The following CCDC148 variants were observed in gnomAD, a reference collection of about 807,000 sequenced individuals.
CCDC148 encodes the protein coiled-coil domain-containing protein 148.
In CCDC148, 89 loss-of-function variants were observed where a neutral mutation model predicts 85.7. The observed-to-expected ratio is 1.04, with a 90% CI of 0.87 to 1.24. CCDC148 has a LOEUF of 1.24. Ranked by LOEUF, CCDC148 falls within the 50% of genes most tolerant of loss-of-function variation. The pLI is 0.00. For missense variants in CCDC148, 692 were observed against 671.7 expected (o/e 1.03, Z -0.33); for synonymous variants, 230 against 213.9 (o/e 1.08, Z -0.66).
At chr2:158,369,057 C>G (rs558431113) in intron 1 of CCDC148, among the ~76,000 whole-genome samples, 1 of 151,920 alleles carries the variant, frequency 6.6e-6, no homozygotes, top group Non-Finnish European at 1.5e-5. Context: ...AGTCAATCAC[C>G]CCATGACGGT....
intron 1 of CCDC148, among the ~76,000 whole-genome samples, chr2:158,429,934 G>T (rs1257823262): frequency 6.6e-6 from 1 of 152,170 alleles, no homozygotes; most frequent in Non-Finnish European, 1.5e-5. Flanking sequence ...AGTAATCAGA[G>T]ATCAGCAGTC....
chr2:158,338,079 A>G (rs928360152), intron 7 of CCDC148, among the ~76,000 whole-genome samples: 2 of 152,084 alleles, frequency 1.3e-5, no homozygotes, highest in African/African-American at 4.8e-5. Flanking sequence ...CTTCATATAC[A>G]CTATAAGGTA....
intron 7 of CCDC148, among the ~76,000 whole-genome samples, chr2:158,331,476 A>T (rs1247517922): frequency 6.6e-6 from 1 of 152,126 alleles, no homozygotes; most frequent in African/African-American, 2.4e-5. Flanking sequence ...AGAAGAATGT[A>T]TATTCTGTTG....
At position 158,456,455 on chromosome 2, in the gene CCDC148, G is replaced by A. The variant is rs1374725737; in HGVS notation, c.-16C>T. The A allele has an allele frequency of 3.1e-6, 5 of 1,609,318 alleles. No individual in the cohort carries two copies. Among genetic ancestry groups the A allele is most frequent in the South Asian group, 1.1e-5 (1 of 89,716 alleles). ...CTGCACACATGTCAAAGGTCAAAGG[G>A]CATAGCCTCAGGGACTCCCCAAACG... is the stretch of plus-strand genomic sequence containing the variant. On this transcript the variant is annotated 5_prime_UTR_variant, in exon 1 of 14. Transcript: ENST00000283233.
intron 11 of CCDC148, among the ~76,000 whole-genome samples, chr2:158,195,895 GAA>G (rs1225675776): frequency 6.6e-6 from 1 of 152,114 alleles, no homozygotes; most frequent in Admixed American, 6.6e-5. Flanking sequence ...CTGAATTTTG[GAA>G]AAGTTTATCA....
intron 9 of CCDC148, among the ~76,000 whole-genome samples, chr2:158,305,494 T>C (rs746592607): frequency 6.6e-6 from 1 of 152,026 alleles, no homozygotes; most frequent in Non-Finnish European, 1.5e-5. Context: ...ACCTGCAATC[T>C]CCGTGCTTTG....
intron 10 of CCDC148, among the ~76,000 whole-genome samples, chr2:158,238,507 G>A (rs934328808): frequency 2.6e-5 from 4 of 152,082 alleles, no homozygotes; most frequent in Non-Finnish European, 5.9e-5. Flanking sequence ...GCACTGAGGA[G>A]GCGATGAAGA....
At chr2:158,232,428 A>C (rs1687898401) in intron 10 of CCDC148, among the ~76,000 whole-genome samples, 1 of 152,174 alleles carries the variant, frequency 6.6e-6, no homozygotes, top group Non-Finnish European at 1.5e-5. Flanking sequence ...ACTTGTAAAC[A>C]GAACATTTAT....
intron 9 of CCDC148, among the ~76,000 whole-genome samples, chr2:158,259,191 C>T (rs1379796799): frequency 6.6e-6 from 1 of 151,768 alleles, no homozygotes; most frequent in Non-Finnish European, 1.5e-5. Context: ...GTCAGGGAAG[C>T]CTTGCCCACC....
rs1328258114 is a variant in CCDC148 at position 158,437,476 on chromosome 2, C to T, written c.25+18939G>A. Among the ~76,000 whole-genome samples the T allele has an allele frequency of 2.6e-5, 4 of 152,112 alleles. No homozygotes were observed. The East Asian group carries it at 7.7e-4, about 29-fold the overall frequency. On this transcript the variant is annotated intron_variant, in intron 1 of 13. Coordinates refer to ENST00000283233, the MANE Select transcript of CCDC148 (RefSeq NM_138803.4). The stretch of plus-strand genomic sequence containing the variant: ...TAAATTAGGTATTGATGGGACATAT[C>T]TCAAAATAATAAGAACTATCTATGA...
At chr2:158,265,730 T>C (rs1269347328) in intron 9 of CCDC148, among the ~76,000 whole-genome samples, 2 of 152,250 alleles carry the variant, frequency 1.3e-5, no homozygotes, top group East Asian at 3.9e-4. Context: ...CCCAAATCCT[T>C]GGCTCCAGAT....
chr2:158,287,025 G>T (rs530765766), intron 9 of CCDC148, among the ~76,000 whole-genome samples: 1 of 152,228 alleles, frequency 6.6e-6, no homozygotes, highest in East Asian at 1.9e-4. Flanking sequence ...ATGGTGGGAG[G>T]TAAAAGGCAC....
intron 8 of CCDC148, among the ~76,000 whole-genome samples, chr2:158,311,893 A>C (rs1299017066): frequency 6.6e-6 from 1 of 152,172 alleles, no homozygotes; most frequent in Non-Finnish European, 1.5e-5. Flanking sequence ...AATCTCATCC[A>C]TGGGAATTAG....
chr2:158,325,004 T>A (rs1180611184), intron 7 of CCDC148, among the ~76,000 whole-genome samples: 2 of 151,800 alleles, frequency 1.3e-5, no homozygotes, highest in African/African-American at 4.8e-5. Context: ...CATTCAGCAA[T>A]TCCCCTCTCG....
chr2:158,443,515 A>AAGAAAAAGAAAAG (rs1553524473), intron 1 of CCDC148, among the ~76,000 whole-genome samples: 1 of 100,896 alleles, frequency 9.9e-6, no homozygotes. Flanking sequence ...AAAAAAAAAA[A>AAGAAAAAGAAAAG]AAAAAAAAGA....
rs139764492 is a variant in CCDC148, at chr2:158,247,535, T to C, written c.1251+3237A>G. Among the ~76,000 whole-genome samples the C allele has an allele frequency of 4.4e-3, 676 of 152,244 alleles. 1 individual carries two copies. Among genetic ancestry groups the C allele is most frequent in the Admixed American group, 9.6e-3 (146 of 15,272 alleles). ...ACCACCAAAGAGAATGGATAAATGC[T>C]AGCTCACTTCTACTACGGAACACTA... On this transcript the variant is annotated intron_variant, in intron 10 of 13. Transcript: ENST00000283233.
chr2:158,415,806 C>T (rs1439459095), intron 1 of CCDC148, among the ~76,000 whole-genome samples: 2 of 152,162 alleles, frequency 1.3e-5, no homozygotes, highest in Non-Finnish European at 2.9e-5. Context: ...CCACGTCTCA[C>T]ATTCAGGCCA....
At position 158,439,272 on chromosome 2, in the gene CCDC148, T is replaced by C. The variant is rs965178183; in HGVS notation, c.25+17143A>G. Among the ~76,000 whole-genome samples, 7 of 152,146 alleles carry C rather than the reference T, an allele frequency of 4.6e-5. No individual in the cohort carries two copies. In the South Asian group the frequency reaches 1.2e-3, roughly 27 times the overall value. On this transcript the variant is annotated intron_variant, in intron 1 of 13. Coordinates refer to ENST00000283233, the MANE Select transcript of CCDC148 (RefSeq NM_138803.4). ...CTGGATTAAGAAAATGTGGCACATA[T>C]ACACCATGGAATACTATGCAGCCAT... is the stretch of plus-strand genomic sequence containing the variant.
chr2:158,429,386 T>TAGAC (rs1047638090), intron 1 of CCDC148, among the ~76,000 whole-genome samples: 18 of 152,000 alleles, frequency 1.2e-4, no homozygotes, highest in African/African-American at 4.3e-4. Context: ...GATAGATAGA[T>TAGAC]AGATAGATAG....
Sources: allele counts gnomAD v4.1 joint callset (sites outside exome capture counted in the v4.1 genomes callset), GRCh38; gene constraint gnomAD v4.1.1; transcripts MANE v1.5; gene names NCBI Gene and HGNC (gene_info 2026-07-23, HGNC 2026-07-21).